The following SYT1 variants were observed in gnomAD, a reference collection of about 807,000 sequenced individuals.
SYT1 encodes synaptotagmin 1.
In SYT1, 8 loss-of-function variants were observed where a neutral mutation model predicts 44.8. The ratio of observed to expected loss-of-function variants is 0.18; its 90% CI spans 0.10 to 0.32. SYT1 has a LOEUF of 0.32. SYT1 is among the 10% of genes least tolerant of loss of function. The probability of loss-of-function intolerance (pLI) is 1.00; values close to 1 mark genes in which losing one functional copy is unlikely to be tolerated. For missense variants in SYT1, 286 were observed against 509.3 expected (o/e 0.56, Z 4.22); for synonymous variants, 154 against 188.8 (o/e 0.82, Z 1.51).
intron 1 of SYT1, among the ~76,000 whole-genome samples, chr12:78,876,795 A>C (rs1375027140): frequency 2.0e-3 from 55 of 27,168 alleles, no homozygotes; most frequent in African/African-American, 9.4e-3. Flanking sequence ...TAATACATAT[A>C]ATATATTATA....
chr12:79,145,747 T>TG (rs1565825821), intron 3 of SYT1, among the ~76,000 whole-genome samples: 13 of 130,162 alleles, frequency 1.0e-4, no homozygotes, highest in African/African-American at 2.7e-4. Flanking sequence ...GTTTTTTTTT[T>TG]TTTTTGTTTG....
At chr12:79,184,327 G>T (rs1872694781) in intron 3 of SYT1, among the ~76,000 whole-genome samples, 1 of 151,920 alleles carries the variant, frequency 6.6e-6, no homozygotes, top group African/African-American at 2.4e-5. Context: ...AAGTTACTTG[G>T]CAACAGTTGA....
intron 2 of SYT1, among the ~76,000 whole-genome samples, chr12:79,020,574 T>C (rs1195961838): frequency 6.6e-6 from 1 of 151,990 alleles, no homozygotes; most frequent in Non-Finnish European, 1.5e-5. Flanking sequence ...GTGATTTCTT[T>C]ATTCTCTGCA....
At position 78,934,080 on chromosome 12, in the gene SYT1, T is replaced by A. The variant is rs1278703260; in HGVS notation, c.-216-43719T>A. 2.6e-5 allele frequency among the ~76,000 whole-genome samples: 4 copies of A among 152,020 alleles called. No individual in the cohort carries two copies. In the East Asian group the frequency reaches 5.8e-4, roughly 22 times the overall value. Reference sequence around the variant, plus strand: ...GAACCACAGATAGTAGTAAACCCTATATACACTGTTTTTACATATATATAT... The same window carrying A: ...GAACCACAGATAGTAGTAAACCCTAAATACACTGTTTTTACATATATATAT... On this transcript the variant is annotated intron_variant, in intron 1 of 10. Transcript: ENST00000261205.
intron 7 of SYT1, among the ~76,000 whole-genome samples, chr12:79,298,082 A>T (rs999906389): frequency 2.2e-4 from 33 of 152,278 alleles, no homozygotes; most frequent in African/African-American, 7.7e-4. Flanking sequence ...CTTTAGTTGG[A>T]AAGTCCAAAT....
In SYT1 at chr12:79,449,957, T is replaced by TGTGTGTGTGTGC. The variant is rs1491498880; in HGVS notation, c.*834_*835insTGTGTGTGTGCG. 5 of 144,680 alleles carry TGTGTGTGTGTGC rather than the reference T, an allele frequency of 3.5e-5. No individual in the cohort carries two copies. The highest frequency in any genetic ancestry group is 4.6e-5 in the Non-Finnish European group (3 of 65,612). 9.0% of individuals were successfully genotyped at this position (144,680 alleles called of 1,614,324 possible). On this transcript the variant is annotated 3_prime_UTR_variant, in exon 11 of 11. Transcript: ENST00000261205. Reference sequence around the variant, plus strand: ...GTGTGTGTGTGTGTGTGTGTGTGTGTGCACATTTGTTTGGGGATGGGGGAG... The same window carrying TGTGTGTGTGTGC: ...GTGTGTGTGTGTGTGTGTGTGTGTGTGTGTGTGTGTGCGCACATTTGTTTGGGGATGGGGGAG...
intron 5 of SYT1, among the ~76,000 whole-genome samples, chr12:79,290,163 G>C (rs1879509465): frequency 6.6e-6 from 1 of 152,064 alleles, no homozygotes; most frequent in South Asian, 2.1e-4. Flanking sequence ...ACTCACTGAA[G>C]GCTCCTAAGA....
At chr12:79,194,800 T>C (rs1230723836) in intron 3 of SYT1, among the ~76,000 whole-genome samples, 1 of 152,164 alleles carries the variant, frequency 6.6e-6, no homozygotes, top group Non-Finnish European at 1.5e-5. Context: ...TTTCTTATTA[T>C]GTGGCAGTGA....
intron 8 of SYT1, among the ~76,000 whole-genome samples, chr12:79,330,076 T>C (rs1002210392): frequency 2.6e-5 from 4 of 152,132 alleles, no homozygotes; most frequent in African/African-American, 9.7e-5. Flanking sequence ...AGTCAATCTG[T>C]TTAACTCAGG....
intron 4 of SYT1, among the ~76,000 whole-genome samples, chr12:79,233,754 TAAGCACC>T (rs1363520368): frequency 6.6e-6 from 1 of 152,270 alleles, no homozygotes; most frequent in Non-Finnish European, 1.5e-5. Flanking sequence ...TAAGTAGTCT[TAAGCACC>T]AGTGCTACTG....
intron 3 of SYT1, among the ~76,000 whole-genome samples, chr12:79,059,348 AAAATGTAAAAGT>A (rs1057358741): frequency 1.3e-5 from 2 of 152,150 alleles, no homozygotes; most frequent in Admixed American, 1.3e-4. Flanking sequence ...CATTTTTTCT[AAAATGTAAAAGT>A]AAATGTAAAA....
chr12:79,339,054 A>T (rs1245637953), intron 8 of SYT1, among the ~76,000 whole-genome samples: 1 of 152,148 alleles, frequency 6.6e-6, no homozygotes, highest in Non-Finnish European at 1.5e-5. Flanking sequence ...GCATTTTCTT[A>T]ATCCAGTCTA....
At chr12:79,052,791 T>G (rs1230354024) in intron 3 of SYT1, among the ~76,000 whole-genome samples, 1 of 151,916 alleles carries the variant, frequency 6.6e-6, no homozygotes, top group Non-Finnish European at 1.5e-5. Flanking sequence ...GAAATGCAAA[T>G]CAAAACCACA....
intron 3 of SYT1, among the ~76,000 whole-genome samples, chr12:79,170,124 A>G (rs915256328): frequency 6.6e-6 from 1 of 152,006 alleles, no homozygotes; most frequent in Non-Finnish European, 1.5e-5. Flanking sequence ...TTGATTCCAT[A>G]TCTTTGCTAT....
chr12:79,076,856 C>G (rs1017732846), intron 3 of SYT1, among the ~76,000 whole-genome samples: 130 of 152,316 alleles, frequency 8.5e-4, no homozygotes, highest in African/African-American at 3.0e-3. Context: ...ATAGTCCCAG[C>G]TATGCGAGAG....
intron 2 of SYT1, among the ~76,000 whole-genome samples, chr12:79,024,682 A>C (rs1262054617): frequency 6.6e-6 from 1 of 151,760 alleles, no homozygotes; most frequent in African/African-American, 2.4e-5. Context: ...AGTACTTTCT[A>C]GGGTACATTC....
chr12:79,116,367 A>G (rs1879277150), intron 3 of SYT1, among the ~76,000 whole-genome samples: 1 of 152,184 alleles, frequency 6.6e-6, no homozygotes, highest in Non-Finnish European at 1.5e-5. Flanking sequence ...TTACACTGGC[A>G]GGGATGTACA....
chr12:78,876,724 A>T (rs1336534320), intron 1 of SYT1, among the ~76,000 whole-genome samples: 1 of 110,860 alleles, frequency 9.0e-6, no homozygotes, highest in Non-Finnish European at 1.8e-5. Flanking sequence ...ATTATATAAT[A>T]TAATTATATA....
In SYT1 at chr12:79,245,773, T is replaced by C. The variant is rs565046344; in HGVS notation, c.166+28088T>C. Among the ~76,000 whole-genome samples, 46 of 152,276 alleles carry C rather than the reference T, an allele frequency of 3.0e-4. 1 individual carries two copies. Among genetic ancestry groups the C allele is most frequent in the Admixed American group, 2.7e-3 (42 of 15,302 alleles). On this transcript the variant is annotated intron_variant, in intron 4 of 10. Transcript: ENST00000261205. ...TGTAGTAGGATAAATATAGGTGAGATACCAAATGAACATAATACATGATTC... is the reference window on the plus strand; with the variant it reads ...TGTAGTAGGATAAATATAGGTGAGACACCAAATGAACATAATACATGATTC...
Sources: allele counts gnomAD v4.1 joint callset (sites outside exome capture counted in the v4.1 genomes callset), GRCh38; gene constraint gnomAD v4.1.1; transcripts MANE v1.5; gene names NCBI Gene and HGNC (gene_info 2026-07-23, HGNC 2026-07-21).